The following AJAP1 variants were observed in gnomAD, a reference collection of about 807,000 sequenced individuals.
The protein encoded by AJAP1 is adherens junction-associated protein 1.
Under a neutral mutation model 35.0 loss-of-function variants are expected in AJAP1, and 5 were observed. That is an observed-to-expected ratio of 0.14 (90% CI 0.07 to 0.30). The LOEUF is 0.30. Among genes scored for constraint, AJAP1 ranks in the 10% least tolerant of loss-of-function variants. AJAP1 has a pLI of 1.00. For missense variants in AJAP1, 586 were observed against 571.0 expected, an observed-to-expected ratio of 1.03 and a Z score of -0.27; for synonymous variants, 284 against 249.3, an observed-to-expected ratio of 1.14 and a Z score of -1.31.
In AJAP1 at chr1:4,693,395, A is replaced by C. The variant is rs1204727656; in HGVS notation, c.30-18505A>C. ...CTTCCTGGAGGCAGGGGGCGGGGGGAGGGATTGGAGGAGGCCTAAGCAGGA... is the reference window on the plus strand; with the variant it reads ...CTTCCTGGAGGCAGGGGGCGGGGGGCGGGATTGGAGGAGGCCTAAGCAGGA... On this transcript the variant is annotated intron_variant, in intron 1 of 5. Transcript: ENST00000378191. This position sits in a 1 kb window ranked among gnomAD's most constrained non-coding sequence, Gnocchi z 4.4. Among the ~76,000 whole-genome samples, 3 of 69,426 alleles carry C rather than the reference A, an allele frequency of 4.3e-5. No homozygotes were observed. The highest frequency in any genetic ancestry group is 5.1e-4 in the East Asian group (1 of 1,976). The allele number at this position is 69,426 out of a possible 152,430, so 45.5% of individuals were successfully genotyped here.
intron 5 of AJAP1, among the ~76,000 whole-genome samples, chr1:4,780,447 A>C (rs1433242701): frequency 2.0e-5 from 3 of 151,838 alleles, no homozygotes; most frequent in African/African-American, 7.3e-5. Context: ...TATAAGAGGG[A>C]TATTTCTCTC....
intron 2 of AJAP1, among the ~76,000 whole-genome samples, chr1:4,757,241 A>G (rs1641453638): frequency 6.6e-6 from 1 of 152,170 alleles, no homozygotes; most frequent in African/African-American, 2.4e-5. Context: ...TCAGTGAGCT[A>G]TGCCTTGAAA....
In AJAP1 at chr1:4,724,245, G is replaced by A. The variant is rs545239402; in HGVS notation, c.829+11546G>A. On this transcript the variant is annotated intron_variant, in intron 2 of 5. Transcript: ENST00000378191. Reference sequence around the variant, plus strand: ...TGGTGATGGCGGCCGGGATGAGGAAGGCTCAAGGAGAGGGGGCACTTGAGC... The same window carrying A: ...TGGTGATGGCGGCCGGGATGAGGAAAGCTCAAGGAGAGGGGGCACTTGAGC... Among the ~76,000 whole-genome samples, 10 of 152,260 alleles carry A rather than the reference G, an allele frequency of 6.6e-5. No homozygotes were observed. In the South Asian group the frequency reaches 2.1e-3, roughly 32 times the overall value.
chr1:4,740,818 A>G (rs1185029452), intron 2 of AJAP1, among the ~76,000 whole-genome samples: 1 of 149,962 alleles, frequency 6.7e-6, no homozygotes, highest in Non-Finnish European at 1.5e-5. Flanking sequence ...GGGGGGGGCT[A>G]AGATGGTCAA....
At chr1:4,739,681 C>G (rs1385486741) in intron 2 of AJAP1, among the ~76,000 whole-genome samples, 1 of 152,164 alleles carries the variant, frequency 6.6e-6, no homozygotes, top group Non-Finnish European at 1.5e-5. Flanking sequence ...AAAAAACCAT[C>G]TGAAGAGGGG....
intron 2 of AJAP1, among the ~76,000 whole-genome samples, chr1:4,727,611 C>A (rs1640697463): frequency 2.0e-5 from 3 of 152,194 alleles, no homozygotes. Flanking sequence ...GCCCGGAAGA[C>A]CCTGAGGTGG....
rs989714479 is a variant in AJAP1 at position 4,779,920 on chromosome 1, G to A, written c.*60-2625G>A. Among the ~76,000 whole-genome samples, 15 of 151,960 alleles carry A rather than the reference G, an allele frequency of 9.9e-5. No individual in the cohort carries two copies. The South Asian group carries it at 1.2e-3, about 13-fold the overall frequency. On this transcript the variant is annotated intron_variant, in intron 5 of 5. Transcript: ENST00000378191. Reference sequence around the variant, plus strand: ...AGCACTTTGGGAGGCTGAGGCCGGCGGATCACCTGAAGTCAGGAGTTTGAG... The same window carrying A: ...AGCACTTTGGGAGGCTGAGGCCGGCAGATCACCTGAAGTCAGGAGTTTGAG...
chr1:4,781,754 G>A (rs977248458), intron 5 of AJAP1, among the ~76,000 whole-genome samples: 8 of 152,216 alleles, frequency 5.3e-5, no homozygotes, highest in Non-Finnish European at 5.9e-5. Context: ...GGACCGTGAC[G>A]TGTTCCAGCT....
At position 4,770,690 on chromosome 1, in the gene AJAP1, A is replaced by G. The variant is rs181417831; in HGVS notation, c.917+750A>G. Among the ~76,000 whole-genome samples the G allele has an allele frequency of 5.4e-3, 769 of 142,540 alleles. 2 individuals carry two copies. Among genetic ancestry groups the G allele is most frequent in the Admixed American group, 0.012 (176 of 14,542 alleles). 93.5% of individuals were successfully genotyped at this position (142,540 alleles called of 152,430 possible). A position where few individuals can be genotyped will look rare whatever the true frequency, so the allele number is the denominator to read the frequency against. ...CCCCTTGCTGCCTGCACACAGCCAT[A>G]TGAATCAGACAAGGCTGATGGTGGA... is the stretch of plus-strand genomic sequence containing the variant. On this transcript the variant is annotated intron_variant, in intron 3 of 5. Transcript: ENST00000378191.
At chr1:4,737,856 T>C (rs1413991095) in intron 2 of AJAP1, among the ~76,000 whole-genome samples, 1 of 152,174 alleles carries the variant, frequency 6.6e-6, no homozygotes, top group South Asian at 2.1e-4. Flanking sequence ...GAACCATGAT[T>C]GCACTACTGC....
At chr1:4,746,239 T>A (rs921099751) in intron 2 of AJAP1, among the ~76,000 whole-genome samples, 1 of 152,180 alleles carries the variant, frequency 6.6e-6, no homozygotes, top group Non-Finnish European at 1.5e-5. Flanking sequence ...CTGCCTCCTC[T>A]ATATCTCTAT....
intron 2 of AJAP1, among the ~76,000 whole-genome samples, chr1:4,751,073 C>G (rs965382274): frequency 2.0e-5 from 3 of 151,972 alleles, no homozygotes. Context: ...GGCCCCAAGG[C>G]AGCCTCCTGC....
chr1:4,739,009 G>A (rs1329455583), intron 2 of AJAP1, among the ~76,000 whole-genome samples: 1 of 152,098 alleles, frequency 6.6e-6, no homozygotes, highest in South Asian at 2.1e-4. Context: ...GTTGGGAATT[G>A]AGATGTGGGG....
intron 2 of AJAP1, among the ~76,000 whole-genome samples, chr1:4,735,067 C>A (rs1280916440): frequency 6.6e-6 from 1 of 152,190 alleles, no homozygotes; most frequent in African/African-American, 2.4e-5. Flanking sequence ...GCTTGGCGAC[C>A]CTTGAGGGTG....
At chr1:4,707,033 G>A (rs1489438459) in intron 1 of AJAP1, among the ~76,000 whole-genome samples, 1 of 152,142 alleles carries the variant, frequency 6.6e-6, no homozygotes, top group Non-Finnish European at 1.5e-5. Context: ...CTCAAAGGGT[G>A]TGGATGTGGT....
intron 1 of AJAP1, among the ~76,000 whole-genome samples, chr1:4,710,113 CAG>C (rs1053803801): frequency 2.0e-5 from 3 of 152,074 alleles, no homozygotes; most frequent in African/African-American, 7.2e-5. Flanking sequence ...CATGCTCACA[CAG>C]GGACACACAG....
chr1:4,786,605 G>C lies in AJAP1; in HGVS notation c.*4120G>C, dbSNP rs924124528. The C allele has an allele frequency of 6.6e-6, 1 of 152,176 alleles. No individual in the cohort carries two copies. Among genetic ancestry groups the C allele is most frequent in the African/African-American group, 2.4e-5 (1 of 41,436 alleles). The allele number at this position is 152,176 out of a possible 1,614,324, so 9.4% of individuals were successfully genotyped here. A position where few individuals can be genotyped will look rare whatever the true frequency, so the allele number is the denominator to read the frequency against. ...TGAAAGGTGAACGCACCAAAGGATC[G>C]ACCCTGTCACCTTGGATGGTCTCTA... On this transcript the variant is annotated 3_prime_UTR_variant, in exon 6 of 6. Coordinates refer to ENST00000378191, the MANE Select transcript of AJAP1 (RefSeq NM_018836.4).
chr1:4,764,591 A>G (rs1329306133), intron 2 of AJAP1, among the ~76,000 whole-genome samples: 1 of 152,214 alleles, frequency 6.6e-6, no homozygotes, highest in Non-Finnish European at 1.5e-5. Flanking sequence ...TTTGAGTCCC[A>G]ATGTCACCTG....
chr1:4,659,365 A>C (rs1341245218), intron 1 of AJAP1, among the ~76,000 whole-genome samples: 1 of 152,110 alleles, frequency 6.6e-6, no homozygotes, highest in African/African-American at 2.4e-5. Flanking sequence ...CACAAGGAGG[A>C]GACAGGAGCA....
Sources: gnomAD v4.1 joint callset for allele counts (sites outside exome capture counted in the v4.1 genomes callset) on GRCh38, gnomAD v4.1.1 for gene constraint, Gnocchi (gnomAD v3.1) non-coding constraint, MANE v1.5 for transcripts, NCBI Gene and HGNC (gene_info 2026-07-23, HGNC 2026-07-21) for gene names.